The following PRH1 variants were observed in gnomAD, a reference collection of about 807,000 sequenced individuals.
PRH1 encodes salivary acidic proline-rich phosphoprotein 1/2.
PRH1 carries 7 observed loss-of-function variants against 7.9 expected under a neutral mutation model. The ratio of observed to expected loss-of-function variants is 0.89; its 90% CI spans 0.50 to 1.67. The LOEUF is 1.67. Among genes scored for constraint, PRH1 ranks in the 40% most tolerant of loss-of-function variants. The pLI is 0.00. For synonymous variants in PRH1, 45 were observed against 80.8 expected (o/e 0.56, Z 2.38); for missense variants, 109 against 223.6 (o/e 0.49, Z 3.27).
intron 1 of PRH1, among the ~76,000 whole-genome samples, chr12:10,975,885 A>G (rs1466331858): frequency 6.6e-6 from 1 of 152,222 alleles, no homozygotes; most frequent in African/African-American, 2.4e-5. Context: ...TTCTGAATAT[A>G]TATGCAGCCA....
intron 2 of PRH1, among the ~76,000 whole-genome samples, chr12:10,921,927 C>T (rs982401709): frequency 1.2e-4 from 18 of 152,020 alleles, no homozygotes; most frequent in Non-Finnish European, 2.2e-4. Context: ...CCACCATACC[C>T]GGCTAATTTT....
At chr12:11,154,776 G>A (rs1466656069) in intron 1 of PRH1, among the ~76,000 whole-genome samples, 1 of 152,144 alleles carries the variant, frequency 6.6e-6, no homozygotes, top group Admixed American at 6.5e-5. Flanking sequence ...TTTAAAAATT[G>A]CATTTCTTCT....
chr12:11,128,408 A>G (rs1310496555), intron 1 of PRH1, among the ~76,000 whole-genome samples: 1 of 152,084 alleles, frequency 6.6e-6, no homozygotes, highest in Non-Finnish European at 1.5e-5. Context: ...TGGTATAGCT[A>G]TGCTCTGAGA....
chr12:11,123,984 A>G (rs1443504761), intron 1 of PRH1, among the ~76,000 whole-genome samples: 1 of 152,220 alleles, frequency 6.6e-6, no homozygotes, highest in African/African-American at 2.4e-5. Context: ...CTGTTTTAGT[A>G]TGTTAGAAAT....
At chr12:10,963,209 T>A (rs932417906) in intron 2 of PRH1, among the ~76,000 whole-genome samples, 1 of 152,214 alleles carries the variant, frequency 6.6e-6, no homozygotes, top group African/African-American at 2.4e-5. Flanking sequence ...ATACAGTCTG[T>A]AGAATTTACT....
At chr12:11,010,267 A>T (rs1010611944) in intron 1 of PRH1, among the ~76,000 whole-genome samples, 1 of 152,016 alleles carries the variant, frequency 6.6e-6, no homozygotes, top group African/African-American at 2.4e-5. Context: ...ATGTACAATG[A>T]AAAATAAATC....
intron 1 of PRH1, among the ~76,000 whole-genome samples, chr12:11,109,189 C>T (rs1316938949): frequency 3.3e-5 from 5 of 152,174 alleles, no homozygotes; most frequent in Admixed American, 2.0e-4. Context: ...ATAGATAAAA[C>T]TCTCATCTCC....
chr12:11,117,790 A>G (rs1945773068), downstream of PRH1, among the ~76,000 whole-genome samples: 1 of 152,216 alleles, frequency 6.6e-6, no homozygotes, highest in African/African-American at 2.4e-5. Flanking sequence ...CTCATTTTTG[A>G]AAAAGATGCC....
rs539800511 is a variant in PRH1 at position 10,935,734 on chromosome 12, A to T, written c.-59+37921T>A. 9.4e-4 allele frequency among the ~76,000 whole-genome samples: 143 copies of T among 152,314 alleles called. 1 individual carries two copies. The Middle Eastern group carries it at 0.014, about 14-fold the overall frequency. ...CAACACGGTGGAGTTAAATCCCAATATATTCTTATTTCTTCAAGAAAATTT... is the reference window on the plus strand; with the variant it reads ...CAACACGGTGGAGTTAAATCCCAATTTATTCTTATTTCTTCAAGAAAATTT... On this transcript the variant is annotated intron_variant, in intron 2 of 3. Coordinates refer to the PRH1 transcript ENST00000539853.
rs7307579 is a variant in PRH1, at chr12:11,153,291, G to A, written n.39+18131C>T. ...ATGTAAACTAACATAACATTCCTAC[G>A]ACTGTCTTCAAAAAAGTCCTTATCT... On this transcript the variant is annotated intron_variant and non_coding_transcript_variant, in intron 1 of 1. Transcript: ENST00000541175. Among the ~76,000 whole-genome samples, 468 of 152,184 alleles carry A rather than the reference G, an allele frequency of 3.1e-3. 1 individual carries two copies. Among genetic ancestry groups the A allele is most frequent in the African/African-American group, 0.011 (443 of 41,516 alleles).
chr12:10,970,461 C>CA (rs1316579682), intron 2 of PRH1, among the ~76,000 whole-genome samples: 3 of 151,548 alleles, frequency 2.0e-5, no homozygotes, highest in African/African-American at 7.3e-5. Context: ...AGCAATGTAT[C>CA]AATATTCAAA....
intron 1 of PRH1, among the ~76,000 whole-genome samples, chr12:11,099,548 T>C (rs1381839851): frequency 1.3e-5 from 2 of 151,804 alleles, no homozygotes; most frequent in Non-Finnish European, 2.9e-5. Context: ...AATACAAAAA[T>C]TAGGTGGGCT....
At chr12:11,103,139 C>T (rs900314898) in intron 1 of PRH1, among the ~76,000 whole-genome samples, 1 of 152,114 alleles carries the variant, frequency 6.6e-6, no homozygotes, top group Non-Finnish European at 1.5e-5. Flanking sequence ...GTGGCGATTC[C>T]TCAGGGATAT....
At chr12:11,135,964 A>G (rs1306271978) in intron 1 of PRH1, among the ~76,000 whole-genome samples, 1 of 152,198 alleles carries the variant, frequency 6.6e-6, no homozygotes, top group Non-Finnish European at 1.5e-5. Flanking sequence ...TTAGAAATGA[A>G]CCAAAACAAA....
At chr12:10,972,493 T>C (rs1938863636) in intron 2 of PRH1, among the ~76,000 whole-genome samples, 1 of 152,180 alleles carries the variant, frequency 6.6e-6, no homozygotes, top group African/African-American at 2.4e-5. Flanking sequence ...GTTCTTTCTA[T>C]TTTTTCTTTT....
At chr12:11,068,802 T>G (rs1208138773) in intron 1 of PRH1, among the ~76,000 whole-genome samples, 2 of 152,212 alleles carry the variant, frequency 1.3e-5, no homozygotes, top group Non-Finnish European at 2.9e-5. Flanking sequence ...CTATTTTAAA[T>G]AAAACTAAAT....
At chr12:10,988,750 A>G (rs906370599) in intron 1 of PRH1, among the ~76,000 whole-genome samples, 27 of 152,090 alleles carry the variant, frequency 1.8e-4, no homozygotes, top group Admixed American at 6.5e-4. Flanking sequence ...AAGCCCCTAC[A>G]CCTTTCTTCA....
intron 1 of PRH1, among the ~76,000 whole-genome samples, chr12:11,088,369 A>G (rs1180334287): frequency 9.2e-6 from 1 of 109,026 alleles, no homozygotes; most frequent in Non-Finnish European, 2.1e-5. Flanking sequence ...ATAATAATAT[A>G]TTACTTGGTA....
At chr12:10,997,884 A>G (rs756972677) in intron 1 of PRH1, 3 of 1,556,622 alleles carry the variant, frequency 1.9e-6, no homozygotes, top group South Asian at 2.5e-5. Flanking sequence ...ATGTCTAAAC[A>G]AAAAAGCAAG....
Sources: allele counts gnomAD v4.1 joint callset (sites outside exome capture counted in the v4.1 genomes callset), GRCh38; gene constraint gnomAD v4.1.1; transcripts MANE v1.5; gene names NCBI Gene and HGNC (gene_info 2026-07-23, HGNC 2026-07-21).